Variants in ZNF662 observed in about 807,000 individuals in gnomAD.
ZNF662 encodes the protein zinc finger protein 662.
In ZNF662, 14 loss-of-function variants were observed where a neutral mutation model predicts 12.4. That is an observed-to-expected ratio of 1.13 (90% CI 0.75 to 1.77). ZNF662 has a LOEUF of 1.77. ZNF662 is among the 40% of genes most tolerant of loss of function. ZNF662 has a pLI of 0.00. For synonymous variants in ZNF662, 184 were observed against 176.4 expected (o/e 1.04, Z -0.34); for missense variants, 550 against 515.6 (o/e 1.07, Z -0.65).
At chr3:42,914,258 C>T in intron 4 of ZNF662, 69 bp from the exon 5 acceptor site, 1 of 1,383,054 alleles carries the variant, frequency 7.2e-7, no homozygotes, top group East Asian at 2.3e-5. Flanking sequence ...CGTATTAATA[C>T]CACTTGGTGA....
At chr3:42,909,792 C>T (rs187622764) in intron 3 of ZNF662, among the ~76,000 whole-genome samples, 3 of 150,742 alleles carry the variant, frequency 2.0e-5, no homozygotes, top group Non-Finnish European at 3.0e-5. Flanking sequence ...TCCCAGATGG[C>T]GTGGCGGCGG....
rs920726633 is a variant in ZNF662, at chr3:42,915,650, A to G, written c.*296A>G. On this transcript the variant is annotated 3_prime_UTR_variant, in exon 5 of 5. Coordinates refer to ENST00000440367, the MANE Select transcript of ZNF662 (RefSeq NM_207404.4). Reference sequence around the variant, plus strand: ...TGCTCTTCTCCCCATTTTACAAATGAGAAATCTGAGTTGAAAGAGGTTATA... The same window carrying G: ...TGCTCTTCTCCCCATTTTACAAATGGGAAATCTGAGTTGAAAGAGGTTATA... The G allele has an allele frequency of 4.3e-5, 12 of 278,560 alleles. No individual in the cohort carries two copies. The highest frequency in any genetic ancestry group is 2.6e-4 in the African/African-American group (12 of 45,898). The allele number at this position is 278,560 out of a possible 1,614,324, so 17.3% of individuals were successfully genotyped here. A position where few individuals can be genotyped will look rare whatever the true frequency, so the allele number is the denominator to read the frequency against.
At position 42,909,953 on chromosome 3, in the gene ZNF662, C is replaced by T. The variant is rs558995230; in HGVS notation, c.151+1044C>T. 1.2e-4 allele frequency among the ~76,000 whole-genome samples: 18 copies of T among 152,266 alleles called. No individual in the cohort carries two copies. The East Asian group carries it at 2.5e-3, about 21-fold the overall frequency. On this transcript the variant is annotated intron_variant, in intron 3 of 4. Coordinates refer to ENST00000440367, the MANE Select transcript of ZNF662 (RefSeq NM_207404.4). The stretch of plus-strand genomic sequence containing the variant: ...GCTCCTCACTTCCTAGACGGGGTGG[C>T]GGCCGGGCAGACGCTGCAATCTCGG...
chr3:42,913,226 G>A lies in ZNF662; in HGVS notation c.177G>A (p.Gly59=), dbSNP rs2088852502. 1 of 1,613,952 alleles carries A rather than the reference G, an allele frequency of 6.2e-7. No homozygotes were observed. The highest frequency in any genetic ancestry group is 8.5e-7 in the Non-Finnish European group (1 of 1,179,928). The change falls in exon 4 of 5, where the codon GGG becomes GGA. Residue 59 remains glycine, a synonymous_variant. Transcript: ENST00000440367. ...SSGYPFLKPA[G]ISHPEQVEEP... is the part of the protein sequence containing the mutation. Reference sequence around the variant, plus strand: ...GATATCCATTTCTAAAGCCTGCTGGGATTTCCCATCCTGAGCAGGTGGAAG... The same window carrying A: ...GATATCCATTTCTAAAGCCTGCTGGAATTTCCCATCCTGAGCAGGTGGAAG...
chr3:42,914,954 A>G lies in ZNF662; in HGVS notation c.881A>G (p.His294Arg), dbSNP rs767152053. The G allele has an allele frequency of 1.2e-6, 2 of 1,613,942 alleles. No individual in the cohort carries two copies. The highest frequency in any genetic ancestry group is 1.1e-5 in the South Asian group (1 of 91,064). Residue 294 changes from histidine (H) to arginine (R), a missense_variant, in exon 5 of 5, where the codon CAT becomes CGT. Physicochemically the swap from His to Arg is conservative, Grantham distance 29 (BLOSUM62 0). Coordinates refer to ENST00000440367, the MANE Select transcript of ZNF662 (RefSeq NM_207404.4). ...GFSQNTSLTQHQRIHTGEKPY... is the reference protein window; with the variant it reads ...GFSQNTSLTQRQRIHTGEKPY... ...AGTCAGAACACAAGCCTTACGCAAC[A>G]TCAACGGATCCACACTGGTGAGAAA...
Position 42,913,298 on chromosome 3 carries a change from T to C in ZNF662, c.249T>C (p.Cys83=). ...KLQGEGPSLI[C]PEGVLKRKKE... ...AAGGAGAGGGTCCAAGCCTGATTTG[T>C]CCGGGTAAGTGAGAGGGAAATGAGC... is the stretch of plus-strand genomic sequence containing the variant. The change falls in exon 4 of 5, where the codon TGT becomes TGC. Residue 83 remains cysteine (C), a synonymous_variant. Coordinates refer to ENST00000440367, the MANE Select transcript of ZNF662 (RefSeq NM_207404.4). 6.2e-7 allele frequency: 1 copy of C among 1,612,106 alleles called. No homozygotes were observed. The highest frequency in any genetic ancestry group is 8.5e-7 in the Non-Finnish European group (1 of 1,178,272).
At chr3:42,908,248 G>A in intron 2 of ZNF662, 100 bp downstream of exon 2, 2 of 1,485,622 alleles carry the variant, frequency 1.3e-6, no homozygotes, top group East Asian at 4.6e-5. Context: ...TCAGCTCAAT[G>A]GCAGCTTCAG....
rs1199551138 is a variant in ZNF662 at position 42,906,277 on chromosome 3, A to C, written c.-94+109A>C. The C allele has an allele frequency of 5.7e-6, 8 of 1,403,660 alleles. No individual in the cohort carries two copies. The highest frequency in any genetic ancestry group is 1.5e-5 in the African/African-American group (1 of 67,384). 87.0% of individuals were successfully genotyped at this position (1,403,660 alleles called of 1,614,324 possible). ...CCGTGTCAGGCCTGCCCAGGTGCAG[A>C]GCGCTCTTCCGCGACCCCAACAGCC... is the stretch of plus-strand genomic sequence containing the variant. On this transcript the variant is annotated intron_variant, in intron 1 of 4. Coordinates refer to ENST00000440367, the MANE Select transcript of ZNF662 (RefSeq NM_207404.4). The surrounding 1 kb of genome is among the most constrained non-coding windows in gnomAD (Gnocchi z 4.4).
rs2088885143 is a variant in ZNF662, at chr3:42,915,213, A to T, written c.1140A>T (p.Arg380Ser). The change falls in exon 5 of 5, where the codon AGA (arginine) becomes AGT (serine). Residue 380 changes from arginine (R) to serine (S), a missense_variant. Transcript: ENST00000440367. ...FCKAHLIRHQ[R>S]IHTGERPYKC... Reference sequence around the variant, plus strand: ...AGGCACATCTTATTCGACATCAAAGAATCCATACTGGGGAAAGACCCTATA... The same window carrying T: ...AGGCACATCTTATTCGACATCAAAGTATCCATACTGGGGAAAGACCCTATA... 4 of 1,614,150 alleles carry T rather than the reference A, an allele frequency of 2.5e-6. No homozygotes were observed. In the East Asian group the frequency reaches 8.9e-5, roughly 36 times the overall value.
rs1559380064 is a variant in ZNF662 at position 42,908,867 on chromosome 3, CG to C, written c.113del (p.Gly38GlufsTer18). ...RGETPWCSVP[R>X]GALDGEAPRG... ...GGAAACACCCTGGTGCTCGGTTCCT[CG>C]GGGAGCTCTGGATGGAGAGGCCCCA... On this transcript the variant is annotated frameshift_variant, in exon 3 of 5. Coordinates refer to ENST00000440367, the MANE Select transcript of ZNF662 (RefSeq NM_207404.4). LOFTEE classifies it high-confidence loss of function. The C allele has an allele frequency of 6.2e-7, 1 of 1,613,512 alleles. No individual in the cohort carries two copies. Among genetic ancestry groups the C allele is most frequent in the East Asian group, 2.2e-5 (1 of 44,876 alleles).
chr3:42,912,346 C>T (rs1488660687), intron 3 of ZNF662, among the ~76,000 whole-genome samples: 1 of 95,950 alleles, frequency 1.0e-5, no homozygotes, highest in Non-Finnish European at 1.9e-5. Flanking sequence ...TGATATATAT[C>T]ATATATAATT....
At chr3:42,913,174 G>A (rs564639936) in intron 3 of ZNF662, 27 bp from the exon 4 acceptor site, 3 of 1,562,984 alleles carry the variant, frequency 1.9e-6, no homozygotes, top group East Asian at 2.2e-5. Flanking sequence ...GACTGAGTCA[G>A]CCTTATTTGT....
chr3:42,912,158 AATATAAAAATATATAAAT>A (rs1302720870), intron 3 of ZNF662: 2 of 88,358 alleles, frequency 2.3e-5, no homozygotes, highest in Non-Finnish European at 5.4e-5. Context: ...AATATATAAA[AATATAAAAATATATAAAT>A]ATATAAATTA....
chr3:42,912,720 A>ATTTTTTATATATATAAATATATATATATT (rs1553609526), intron 3 of ZNF662, among the ~76,000 whole-genome samples: 13,979 of 64,852 alleles, frequency 0.22, 2,687 homozygotes, highest in East Asian at 0.57. Context: ...ATATATATAT[A>ATTTTTTATATATATAAATATATATATATT]TTTTTTATAT....
Position 42,917,565 on chromosome 3 carries a change from C to T in ZNF662, c.*2211C>T. ...GTCCTTGGTGACATCTTTTGAGCCA[C>T]TAGACCAAGCTTTACCTGAAGCAGA... On this transcript the variant is annotated 3_prime_UTR_variant, in exon 5 of 5. Transcript: ENST00000440367. 1 of 702,506 alleles carries T rather than the reference C, an allele frequency of 1.4e-6. No individual in the cohort carries two copies. Among genetic ancestry groups the T allele is most frequent in the Admixed American group, 2.0e-5 (1 of 49,918 alleles). 43.5% of individuals were successfully genotyped at this position (702,506 alleles called of 1,614,324 possible). A position where few individuals can be genotyped will look rare whatever the true frequency, so the allele number is the denominator to read the frequency against.
chr3:42,912,709 T>TATATATATATTTTTTTTATATATATAA (rs2088839696), intron 3 of ZNF662, among the ~76,000 whole-genome samples: 1 of 68,218 alleles, frequency 1.5e-5, no homozygotes, highest in African/African-American at 6.6e-5. Context: ...TATATATAAA[T>TATATATATATTTTTTTTATATATATAA]ATATATATAT....
At chr3:42,907,124 C>G (rs2088693848) in intron 1 of ZNF662, among the ~76,000 whole-genome samples, 1 of 152,120 alleles carries the variant, frequency 6.6e-6, no homozygotes, top group Non-Finnish European at 1.5e-5. Context: ...GAGGCAGTGG[C>G]TGAGAATTAC....
In ZNF662 at chr3:42,917,760, C is replaced by T; in HGVS notation, c.*2406C>T. 1.7e-6 allele frequency: 1 copy of T among 589,392 alleles called. No homozygotes were observed. The highest frequency in any genetic ancestry group is 3.0e-6 in the Non-Finnish European group (1 of 335,986). 36.5% of individuals were successfully genotyped at this position (589,392 alleles called of 1,614,324 possible). On this transcript the variant is annotated 3_prime_UTR_variant, in exon 5 of 5. Transcript: ENST00000440367. ...ACCTTTTCCTCTTGCTCAGTAGTCT[C>T]ATAAGCTTCTCAGTTTTATCTCATC...
At chr3:42,914,276 C>G (rs369077363) in intron 4 of ZNF662, 51 bp from the exon 5 acceptor site, 1 of 1,476,304 alleles carries the variant, frequency 6.8e-7, no homozygotes. Context: ...TGACCTTAGT[C>G]GCTGTGTCAT....
Sources: allele counts gnomAD v4.1 joint callset (sites outside exome capture counted in the v4.1 genomes callset), GRCh38; gene constraint gnomAD v4.1.1; non-coding constraint Gnocchi (gnomAD v3.1); transcripts MANE v1.5; gene names NCBI Gene and HGNC (gene_info 2026-07-23, HGNC 2026-07-21).